The following ZC3H7B variants were observed in gnomAD, a reference collection of about 807,000 sequenced individuals.
ZC3H7B encodes zinc finger CCCH-type containing 7B, also known as zinc finger CCCH domain-containing protein 7B.
ZC3H7B carries 35 observed loss-of-function variants against 116.0 expected under a neutral mutation model. The observed-to-expected ratio is 0.30, with a 90% CI of 0.23 to 0.40. ZC3H7B has a LOEUF of 0.40. Among genes scored for constraint, ZC3H7B ranks in the 10% least tolerant of loss-of-function variants. ZC3H7B has a pLI of 1.00. For synonymous variants in ZC3H7B, 502 were observed against 545.6 expected, an observed-to-expected ratio of 0.92 and a Z score of 1.11; for missense variants, 1,011 against 1,321.5, an observed-to-expected ratio of 0.77 and a Z score of 3.64.
chr22:41,329,960 C>T, intron 5 of ZC3H7B, 63 bp from the exon 6 acceptor site: 1 of 1,576,860 alleles, frequency 6.3e-7, no homozygotes, highest in Non-Finnish European at 8.7e-7. Flanking sequence ...CACAGGTGTC[C>T]AGGAGCACAG....
intron 7 of ZC3H7B, among the ~76,000 whole-genome samples, chr22:41,337,623 C>T (rs1314198755): frequency 3.3e-5 from 5 of 152,190 alleles, no homozygotes. Context: ...GCACTTTTGT[C>T]TTTGAACTGC....
At chr22:41,355,884 TG>T (rs1327932508) in intron 19 of ZC3H7B, 22 bp downstream of exon 19, 16 of 1,610,076 alleles carry the variant, frequency 9.9e-6, no homozygotes, top group Non-Finnish European at 1.0e-5. Flanking sequence ...GATGGGGGGC[TG>T]GGGGTCCCCC....
intron 1 of ZC3H7B, among the ~76,000 whole-genome samples, chr22:41,316,885 C>T (rs1031758021): frequency 6.6e-6 from 1 of 152,008 alleles, no homozygotes. Flanking sequence ...CTCTGTCGCC[C>T]AGGCTGGGGT....
chr22:41,357,756 C>A lies in ZC3H7B; in HGVS notation c.*327C>A. On this transcript the variant is annotated 3_prime_UTR_variant, in exon 23 of 23. Transcript: ENST00000352645. The surrounding 1 kb of genome is among the most constrained non-coding windows in gnomAD (Gnocchi z 5.4). ...AACTTCTGTCTGCTCCTAATGGGGG[C>A]CCAAAGCTCAGGGCTGGGGAGCCTG... The A allele has an allele frequency of 8.0e-6, 3 of 372,848 alleles. No homozygotes were observed. The Admixed American group carries it at 1.1e-4, about 14-fold the overall frequency. 23.1% of individuals were successfully genotyped at this position (372,848 alleles called of 1,614,324 possible).
chr22:41,303,974 G>A (rs2036007663), intron 1 of ZC3H7B, among the ~76,000 whole-genome samples: 1 of 152,160 alleles, frequency 6.6e-6, no homozygotes, highest in African/African-American at 2.4e-5. Context: ...AGCCAGGATG[G>A]TCTTGATCTC....
chr22:41,308,581 C>T lies in ZC3H7B; in HGVS notation c.-7+6809C>T, dbSNP rs193042067. On this transcript the variant is annotated intron_variant, in intron 1 of 22. Transcript: ENST00000352645. ...TCCAGGCCTGAACCACTGCAGTAGC[C>T]TCCTAACCAATCTCCCAGTATCCTC... Among the ~76,000 whole-genome samples, 22 of 152,298 alleles carry T rather than the reference C, an allele frequency of 1.4e-4. No homozygotes were observed. In the East Asian group the frequency reaches 3.7e-3, roughly 25 times the overall value.
At chr22:41,352,256 A>T (rs954646764) in intron 17 of ZC3H7B, among the ~76,000 whole-genome samples, 3 of 152,200 alleles carry the variant, frequency 2.0e-5, no homozygotes, top group African/African-American at 4.8e-5. Context: ...GAGTTTCCTC[A>T]TTCCACAGAG....
At chr22:41,314,167 A>T (rs973390419) in intron 1 of ZC3H7B, among the ~76,000 whole-genome samples, 125 of 147,996 alleles carry the variant, frequency 8.4e-4, no homozygotes, top group African/African-American at 2.3e-3. Context: ...TTATTTATTT[A>T]TTTTTTTGAG....
In ZC3H7B at chr22:41,357,465, A is replaced by G. The variant is rs1189935046; in HGVS notation, c.*36A>G. On this transcript the variant is annotated 3_prime_UTR_variant, in exon 23 of 23. Coordinates refer to ENST00000352645, the MANE Select transcript of ZC3H7B (RefSeq NM_017590.6). This position sits in a 1 kb window ranked among gnomAD's most constrained non-coding sequence, Gnocchi z 5.4. ...TGGCCGTGGGTGAAGTCCTGGGGTC[A>G]GGGGGTGGGGTGGGGCCAGAAGGCC... The G allele has an allele frequency of 9.3e-6, 9 of 972,770 alleles. No individual in the cohort carries two copies. In the South Asian group the frequency reaches 1.4e-4, roughly 15 times the overall value. 60.3% of individuals were successfully genotyped at this position (972,770 alleles called of 1,614,324 possible). A position where few individuals can be genotyped will look rare whatever the true frequency, so the allele number is the denominator to read the frequency against.
chr22:41,343,582 TG>T lies in ZC3H7B; in HGVS notation c.1459+9del, dbSNP rs2036549571. The T allele has an allele frequency of 6.3e-7, 1 of 1,591,256 alleles. No homozygotes were observed. Among genetic ancestry groups the T allele is most frequent in the Non-Finnish European group, 8.6e-7 (1 of 1,164,944 alleles). ...CTCCTACTACCTGTGCAAAGGTGGG[TG>T]GGCTGCAGCGGGGCAGGCAGCACAG... On this transcript the variant is annotated splice_region_variant and intron_variant, in intron 13 of 22. Coordinates refer to ENST00000352645, the MANE Select transcript of ZC3H7B (RefSeq NM_017590.6).
chr22:41,331,810 G>A (rs1281856774), intron 6 of ZC3H7B, among the ~76,000 whole-genome samples: 2 of 152,272 alleles, frequency 1.3e-5, no homozygotes, highest in South Asian at 2.1e-4. Context: ...GGTCAAGGCT[G>A]CAGAGAGCCG....
chr22:41,352,219 A>G (rs1395181608), intron 17 of ZC3H7B, among the ~76,000 whole-genome samples: 1 of 152,176 alleles, frequency 6.6e-6, no homozygotes, highest in Non-Finnish European at 1.5e-5. Context: ...GATGTTTTGT[A>G]AAAGGTCCAT....
At chr22:41,325,500 C>T (rs567246238) in intron 2 of ZC3H7B, 64 bp from the exon 3 acceptor site, 4 of 1,571,980 alleles carry the variant, frequency 2.5e-6, no homozygotes, top group Admixed American at 1.9e-5. Flanking sequence ...AGGAGTAGCT[C>T]TGGACCTCCA....
At chr22:41,345,556 G>A (rs1299156408) in intron 13 of ZC3H7B, among the ~76,000 whole-genome samples, 1 of 152,136 alleles carries the variant, frequency 6.6e-6, no homozygotes, top group Non-Finnish European at 1.5e-5. Flanking sequence ...TTGCACTCCA[G>A]CATGGGCAAC....
chr22:41,315,025 C>T (rs959165016), intron 1 of ZC3H7B, among the ~76,000 whole-genome samples: 2 of 151,588 alleles, frequency 1.3e-5, no homozygotes, highest in African/African-American at 2.4e-5. Context: ...GCTTCTTGCT[C>T]CTCCACCAGG....
At position 41,318,353 on chromosome 22, in the gene ZC3H7B, C is replaced by T. The variant is rs906843078; in HGVS notation, c.-6-2302C>T. On this transcript the variant is annotated intron_variant, in intron 1 of 22. Coordinates refer to ENST00000352645, the MANE Select transcript of ZC3H7B (RefSeq NM_017590.6). ...GACCATCCTGGCTAACATGATGAAA[C>T]CCCATCTCTACTAAAAATACAAAAA... Among the ~76,000 whole-genome samples, 4 of 152,196 alleles carry T rather than the reference C, an allele frequency of 2.6e-5. No homozygotes were observed. In the South Asian group the frequency reaches 6.2e-4, roughly 24 times the overall value.
chr22:41,304,343 C>G (rs1021274401), intron 1 of ZC3H7B, among the ~76,000 whole-genome samples: 2 of 150,906 alleles, frequency 1.3e-5, no homozygotes, highest in South Asian at 4.2e-4. Context: ...CTGGGCTCAA[C>G]ATATCTGAAT....
At chr22:41,353,359 C>T (rs748837088) in intron 17 of ZC3H7B, among the ~76,000 whole-genome samples, 2 of 152,196 alleles carry the variant, frequency 1.3e-5, no homozygotes, top group Non-Finnish European at 2.9e-5. Context: ...TCCCCACCTG[C>T]GGCATTCCTG....
Position 41,349,797 on chromosome 22 carries a change from G to A in ZC3H7B, c.1948+496G>A, listed in dbSNP as rs539257806. The stretch of plus-strand genomic sequence containing the variant: ...CAGGGCATTCAGCCATGGTCTAGTC[G>A]AGGCCCTTACTTTCAGAGAACCTAC... On this transcript the variant is annotated intron_variant, in intron 16 of 22. Coordinates refer to ENST00000352645, the MANE Select transcript of ZC3H7B (RefSeq NM_017590.6). This position sits in a 1 kb window ranked among gnomAD's most constrained non-coding sequence, Gnocchi z 4.9. Among the ~76,000 whole-genome samples, 2 of 152,318 alleles carry A rather than the reference G, an allele frequency of 1.3e-5. No homozygotes were observed. Among genetic ancestry groups the A allele is most frequent in the South Asian group, 2.1e-4 (1 of 4,822 alleles).
Sources: allele counts gnomAD v4.1 joint callset (sites outside exome capture counted in the v4.1 genomes callset), GRCh38; gene constraint gnomAD v4.1.1; non-coding constraint Gnocchi (gnomAD v3.1); transcripts MANE v1.5; gene names NCBI Gene and HGNC (gene_info 2026-07-23, HGNC 2026-07-21).